OPHN1: variants seen among roughly 807,000 people sequenced by gnomAD.
OPHN1 encodes the protein oligophrenin-1.
A neutral mutation model predicts 60.7 loss-of-function variants in OPHN1; 11 were observed. The observed-to-expected ratio is 0.18, with a 90% CI of 0.11 to 0.30. The LOEUF is 0.30. OPHN1 is among the 10% of genes least tolerant of loss of function. The probability of loss-of-function intolerance (pLI) is 1.00; values close to 1 mark genes in which losing one functional copy is unlikely to be tolerated. For missense variants in OPHN1, 449 were observed against 611.0 expected, an observed-to-expected ratio of 0.73 and a Z score of 2.80; for synonymous variants, 226 against 222.6, an observed-to-expected ratio of 1.02 and a Z score of -0.14.
chrX:68,184,875 C>T (rs181474113), intron 15 of OPHN1, among the ~76,000 whole-genome samples: 450 of 112,465 alleles, frequency 4.0e-3, no homozygotes, highest in Non-Finnish European at 7.6e-3. Context: ...GGATTACCGG[C>T]TTGAGCCACT....
intron 2 of OPHN1, among the ~76,000 whole-genome samples, chrX:68,404,616 T>C (rs1474246778): frequency 9.0e-6 from 1 of 111,558 alleles, no homozygotes; most frequent in African/African-American, 3.3e-5. Flanking sequence ...CAAATGTTCA[T>C]TGATGGGTAA....
intron 20 of OPHN1, among the ~76,000 whole-genome samples, chrX:68,067,004 G>A (rs1038458311): frequency 1.8e-5 from 2 of 112,345 alleles, no homozygotes; most frequent in African/African-American, 6.5e-5. Flanking sequence ...TAGGCGTGGG[G>A]CCAACCCTTA....
chrX:68,102,117 T>C (rs1364540433), intron 18 of OPHN1: 1 of 111,798 alleles, frequency 8.9e-6, no homozygotes, highest in East Asian at 2.8e-4. Context: ...TTTTAGTATA[T>C]GTACTGCCAA....
At chrX:68,272,441 C>T (rs1460455167) in intron 5 of OPHN1, among the ~76,000 whole-genome samples, 1 of 112,239 alleles carries the variant, frequency 8.9e-6, no homozygotes, top group Non-Finnish European at 1.9e-5. Context: ...AGTCATGCAC[C>T]ACAAAACAAT....
In OPHN1 at chrX:68,264,827, C is replaced by A. The variant is rs141993091; in HGVS notation, c.384+9911G>T. ...CCCTGGAAAATCGGGTCACTCCCAC[C>A]CTAATACTGTGCTTTTCCAACGGTC... is the stretch of plus-strand genomic sequence containing the variant. On this transcript the variant is annotated intron_variant, in intron 5 of 24. Coordinates refer to ENST00000355520, the MANE Select transcript of OPHN1 (RefSeq NM_002547.3). Among the ~76,000 whole-genome samples, 570 of 112,289 alleles carry A rather than the reference C, an allele frequency of 5.1e-3. 1 individual carries two copies. The highest frequency in any genetic ancestry group is 0.017 in the African/African-American group (527 of 30,968).
chrX:68,260,277 G>GT (rs1333387442), intron 5 of OPHN1, among the ~76,000 whole-genome samples: 25 of 107,634 alleles, frequency 2.3e-4, no homozygotes, highest in Admixed American at 1.4e-3. Flanking sequence ...TTTCGTGACT[G>GT]TTTTTTTTTA....
chrX:68,406,064 C>T (rs188003173), intron 2 of OPHN1, among the ~76,000 whole-genome samples: 20 of 107,854 alleles, frequency 1.9e-4, no homozygotes, highest in Middle Eastern at 4.8e-3. Flanking sequence ...ACAAGAATCG[C>T]GTGAACCCAG....
At chrX:68,405,058 T>A (rs1364803834) in intron 2 of OPHN1, among the ~76,000 whole-genome samples, 1 of 112,103 alleles carries the variant, frequency 8.9e-6, no homozygotes, top group Non-Finnish European at 1.9e-5. Flanking sequence ...ATGGTAAATT[T>A]AATGTTATGT....
At chrX:68,410,007 C>A (rs931567083) in intron 2 of OPHN1, among the ~76,000 whole-genome samples, 1 of 111,810 alleles carries the variant, frequency 8.9e-6, no homozygotes, top group Non-Finnish European at 1.9e-5. Context: ...CAAAACAAAA[C>A]CCCTGGCCGA....
intron 2 of OPHN1, among the ~76,000 whole-genome samples, chrX:68,339,182 G>C (rs2078339061): frequency 1.9e-5 from 2 of 108,026 alleles, no homozygotes; most frequent in South Asian, 4.0e-4. Context: ...CATTTCACCA[G>C]ATGTAGATTA....
chrX:68,214,832 A>T (rs2077600847), intron 6 of OPHN1, among the ~76,000 whole-genome samples: 1 of 110,475 alleles, frequency 9.1e-6, no homozygotes. Context: ...CCCTATCTCT[A>T]CTAAAAATAC....
chrX:68,393,881 C>CTTTGTT (rs2078666797), intron 2 of OPHN1, among the ~76,000 whole-genome samples: 1 of 25,614 alleles, frequency 3.9e-5, no homozygotes, highest in Non-Finnish European at 1.3e-4. Context: ...ATCCAATAGA[C>CTTTGTT]TTTGTTTTTT....
At chrX:68,135,973 A>G (rs889638887) in intron 15 of OPHN1, among the ~76,000 whole-genome samples, 1 of 111,700 alleles carries the variant, frequency 9.0e-6, no homozygotes, top group Non-Finnish European at 1.9e-5. Context: ...AATTACATAC[A>G]TAAGTCTGAA....
At chrX:68,182,280 A>G (rs1330571563) in intron 15 of OPHN1, among the ~76,000 whole-genome samples, 3 of 93,837 alleles carry the variant, frequency 3.2e-5, no homozygotes, top group Non-Finnish European at 4.1e-5. Flanking sequence ...GGTCCTACCC[A>G]TGTTCCTCTC....
chrX:68,065,965 T>G lies in OPHN1; in HGVS notation c.1835-1788A>C, dbSNP rs193289777. Among the ~76,000 whole-genome samples, 8 of 112,188 alleles carry G rather than the reference T, an allele frequency of 7.1e-5. No homozygotes were observed. The East Asian group carries it at 1.7e-3, about 24-fold the overall frequency. ...GGAGTTCCCCTATAGTCTCCCTAAT[T>G]TTGTCCCAAAGTAGACACATAGCCC... is the stretch of plus-strand genomic sequence containing the variant. On this transcript the variant is annotated intron_variant, in intron 20 of 24. Coordinates refer to ENST00000355520, the MANE Select transcript of OPHN1 (RefSeq NM_002547.3).
chrX:68,141,932 GA>G (rs2077244781), intron 15 of OPHN1, among the ~76,000 whole-genome samples: 1 of 105,893 alleles, frequency 9.4e-6, no homozygotes, highest in Non-Finnish European at 1.9e-5. Context: ...AAGAAAGAAA[GA>G]AAGAAAGAAA....
intron 24 of OPHN1, among the ~76,000 whole-genome samples, chrX:68,047,575 G>A (rs1012578427): frequency 9.0e-6 from 1 of 111,488 alleles, no homozygotes; most frequent in African/African-American, 3.3e-5. Context: ...CTGAGGACTG[G>A]CAGTGACAGG....
Position 68,053,811 on chromosome X carries a change from C to T in OPHN1, c.2159-1G>A. ...ACTTTGCTGAAACTGTCAGCATCCC[C>T]TGGAAGAGAAAATGATACCAGGAAC... On this transcript the variant is annotated splice_acceptor_variant, in intron 21 of 24. Coordinates refer to ENST00000355520, the MANE Select transcript of OPHN1 (RefSeq NM_002547.3). LOFTEE classifies it high-confidence loss of function. 1 of 1,208,492 alleles carries T rather than the reference C, an allele frequency of 8.3e-7. No individual in the cohort carries two copies. Among genetic ancestry groups the T allele is most frequent in the East Asian group, 3.0e-5 (1 of 33,781 alleles).
chrX:68,283,486 T>A (rs2078027930), intron 3 of OPHN1, among the ~76,000 whole-genome samples: 2 of 111,477 alleles, frequency 1.8e-5, no homozygotes, highest in Non-Finnish European at 3.8e-5. Context: ...GTTCCACTAC[T>A]GACCAACCAG....
Sources: gnomAD v4.1 joint callset for allele counts (sites outside exome capture counted in the v4.1 genomes callset) on GRCh38, gnomAD v4.1.1 for gene constraint, MANE v1.5 for transcripts, NCBI Gene and HGNC (gene_info 2026-07-23, HGNC 2026-07-21) for gene names.